VPS9D1: variants seen among roughly 807,000 people sequenced by gnomAD.
VPS9D1 encodes the protein VPS9 domain-containing protein 1.
Under a neutral mutation model 75.8 loss-of-function variants are expected in VPS9D1, and 78 were observed. The ratio of observed to expected loss-of-function variants is 1.03; its 90% CI spans 0.86 to 1.24. The LOEUF is 1.24. VPS9D1 is among the 50% of genes most tolerant of loss of function. The pLI, the probability that VPS9D1 is intolerant of heterozygous loss-of-function variation, is 0.00. For synonymous variants in VPS9D1, 481 were observed against 385.6 expected (o/e 1.25, Z -2.90); for missense variants, 1,057 against 847.7 (o/e 1.25, Z -3.07).
At chr16:89,712,561 C>T (rs1418004567) in intron 5 of VPS9D1, 39 bp from the exon 6 acceptor site, 8 of 1,609,456 alleles carry the variant, frequency 5.0e-6, no homozygotes, top group African/African-American at 4.0e-5. Context: ...CTCCCCTCTG[C>T]CCCGCGCCCA....
intron 4 of VPS9D1, among the ~76,000 whole-genome samples, chr16:89,713,232 T>C (rs1207846360): frequency 2.0e-5 from 3 of 152,066 alleles, no homozygotes; most frequent in African/African-American, 7.2e-5. Context: ...GGTTTTGGTA[T>C]TGCCAGGACT....
In VPS9D1 at chr16:89,716,631, G is replaced by A; in HGVS notation, c.269-7C>T. The A allele has an allele frequency of 6.2e-7, 1 of 1,612,064 alleles. No individual in the cohort carries two copies. The highest frequency in any genetic ancestry group is 8.5e-7 in the Non-Finnish European group (1 of 1,178,538). On this transcript the variant is annotated splice_polypyrimidine_tract_variant and splice_region_variant and intron_variant, in intron 3 of 14. Coordinates refer to ENST00000389386, the MANE Select transcript of VPS9D1 (RefSeq NM_004913.3). ...GGCTTCAGGCGTGTTTTCCCTGCAA[G>A]CCATGGGTAACCAGGGGTCAAGCGG...
intron 14 of VPS9D1, 39 bp from the exon 15 acceptor site, chr16:89,707,993 A>G: frequency 3.8e-6 from 6 of 1,588,042 alleles, no homozygotes; most frequent in Non-Finnish European, 5.2e-6. Context: ...CATCTGAACG[A>G]ACAGAAGGAT....
chr16:89,709,579 C>A (rs1030159506), intron 11 of VPS9D1, 144 bp from the exon 12 acceptor site: 4 of 1,265,082 alleles, frequency 3.2e-6, no homozygotes, highest in Non-Finnish European at 3.2e-6. Flanking sequence ...ACCCCAGGCA[C>A]GGGAGAGTGG....
chr16:89,707,587 G>C lies in VPS9D1; in HGVS notation c.*274C>G, dbSNP rs2060822400. 7.6e-6 allele frequency: 3 copies of C among 394,036 alleles called. No homozygotes were observed. The highest frequency in any genetic ancestry group is 1.4e-5 in the Non-Finnish European group (3 of 215,684). 24.4% of individuals were successfully genotyped at this position (394,036 alleles called of 1,614,324 possible). A position where few individuals can be genotyped will look rare whatever the true frequency, so the allele number is the denominator to read the frequency against. ...CAAAGCTTCCCTTCTTGGCCTCTCT[G>C]AGGCCTACACAGGAGAGCAGGGCCT... On this transcript the variant is annotated 3_prime_UTR_variant, in exon 15 of 15. Transcript: ENST00000389386.
In VPS9D1 at chr16:89,716,586, G is replaced by A. The variant is rs777712590; in HGVS notation, c.307C>T (p.Pro103Ser). 8.7e-6 allele frequency: 14 copies of A among 1,613,740 alleles called. No homozygotes were observed. The East Asian group carries it at 2.9e-4, about 33-fold the overall frequency. The stretch of plus-strand genomic sequence containing the variant: ...TGTCGGCCGGCAGGCTGGGGAATGG[G>A]AGCAGCTGCAGGCATGGTTGGCTTC... ...RLKPTMPAAA[P>S]IPQPAGRHRR... The change falls in exon 4 of 15, where the codon CCC (proline) becomes TCC (serine). Residue 103 changes from proline to serine, a missense_variant. Coordinates refer to ENST00000389386, the MANE Select transcript of VPS9D1 (RefSeq NM_004913.3).
intron 2 of VPS9D1, 197 bp from the exon 3 acceptor site, chr16:89,717,019 G>A (rs1187160035): frequency 3.2e-5 from 11 of 347,252 alleles, no homozygotes; most frequent in East Asian, 1.8e-4. Flanking sequence ...CCCTCACCCC[G>A]GGTAAGCCCA....
intron 2 of VPS9D1, 61 bp from the exon 3 acceptor site, chr16:89,716,883 A>C (rs1215097307): frequency 1.4e-6 from 2 of 1,464,546 alleles, no homozygotes; most frequent in African/African-American, 2.9e-5. Flanking sequence ...TACTGCTGAG[A>C]TAAAATGAGG....
At chr16:89,714,290 A>G (rs925691625) in intron 4 of VPS9D1, among the ~76,000 whole-genome samples, 52 of 151,626 alleles carry the variant, frequency 3.4e-4, no homozygotes, top group African/African-American at 1.1e-3. Flanking sequence ...AGCGTATTTT[A>G]TGTGTGGCCC....
intron 2 of VPS9D1, chr16:89,718,108 A>T: frequency 4.4e-6 from 2 of 453,924 alleles, no homozygotes; most frequent in Admixed American, 4.7e-5. Flanking sequence ...GACCTCTGTG[A>T]TCCTTTGTGC....
At chr16:89,712,257 A>C in intron 6 of VPS9D1, 158 bp from the exon 7 acceptor site, 1 of 1,340,428 alleles carries the variant, frequency 7.5e-7, no homozygotes, top group Non-Finnish European at 1.0e-6. Flanking sequence ...GCCTGCGCTC[A>C]AGCCAGGAGG....
At chr16:89,713,363 T>G (rs2060984998) in intron 4 of VPS9D1, among the ~76,000 whole-genome samples, 1 of 151,280 alleles carries the variant, frequency 6.6e-6, no homozygotes, top group Admixed American at 6.6e-5. Flanking sequence ...CATGCCATTC[T>G]CCTGCCTCAG....
At chr16:89,708,721 G>C in intron 13 of VPS9D1, 136 bp downstream of exon 13, 1 of 1,126,004 alleles carries the variant, frequency 8.9e-7, no homozygotes. Context: ...GCCAGGGCTG[G>C]GCCCACACGG....
At chr16:89,710,315 G>A (rs935963113) in intron 10 of VPS9D1, among the ~76,000 whole-genome samples, 3 of 152,150 alleles carry the variant, frequency 2.0e-5, no homozygotes, top group Non-Finnish European at 4.4e-5. Context: ...GCTGGGCGCG[G>A]TGGCTCATGC....
At chr16:89,717,393 C>T (rs958053055) in intron 2 of VPS9D1, 12 of 372,096 alleles carry the variant, frequency 3.2e-5, no homozygotes, top group South Asian at 1.9e-5. Flanking sequence ...CTGAGGGGAT[C>T]GCCTCACCCA....
chr16:89,714,416 T>A (rs1004373033), intron 4 of VPS9D1, among the ~76,000 whole-genome samples: 4 of 152,196 alleles, frequency 2.6e-5, no homozygotes, highest in Admixed American at 2.6e-4. Context: ...GGAAGAAGTG[T>A]CCTGTCTCCT....
chr16:89,711,049 GC>G, intron 9 of VPS9D1, 39 bp from the exon 10 acceptor site: 1 of 1,431,306 alleles, frequency 7.0e-7, no homozygotes, highest in East Asian at 2.5e-5. Context: ...GCCAGCCTCG[GC>G]CTCTCCGTGG....
intron 1 of VPS9D1, 129 bp from the exon 2 acceptor site, chr16:89,719,231 G>A (rs772119868): frequency 8.2e-5 from 73 of 888,950 alleles, no homozygotes; most frequent in Non-Finnish European, 1.3e-4. Context: ...TACACCCAGA[G>A]ACATTGAGCC....
chr16:89,717,785 G>C (rs983643788), intron 2 of VPS9D1: 1 of 456,674 alleles, frequency 2.2e-6, no homozygotes. Context: ...GAGCTCAGCC[G>C]AGCTCACCGG....
Sources: gnomAD v4.1 joint callset for allele counts (sites outside exome capture counted in the v4.1 genomes callset) on GRCh38, gnomAD v4.1.1 for gene constraint, MANE v1.5 for transcripts, NCBI Gene and HGNC (gene_info 2026-07-23, HGNC 2026-07-21) for gene names.